The following CDH9 variants were observed in gnomAD, a reference collection of about 807,000 sequenced individuals.
CDH9 encodes the protein cadherin-9.
A neutral mutation model predicts 70.9 loss-of-function variants in CDH9; 28 were observed. The observed-to-expected ratio is 0.40, with a 90% confidence interval of 0.29 to 0.54. The LOEUF (loss-of-function observed/expected upper bound fraction) is 0.54. Among genes scored for constraint, CDH9 ranks in the 20% least tolerant of loss-of-function variants. CDH9 has a pLI of 0.59. For synonymous variants in CDH9, 409 were observed against 343.1 expected (o/e 1.19, Z -2.12); for missense variants, 874 against 984.4 (o/e 0.89, Z 1.50).
At chr5:27,035,175 A>G (rs1279852875) in intron 1 of CDH9, among the ~76,000 whole-genome samples, 2 of 147,636 alleles carry the variant, frequency 1.4e-5, no homozygotes, top group African/African-American at 4.9e-5. Context: ...GCATATGTAT[A>G]TATATATATA....
intron 2 of CDH9, among the ~76,000 whole-genome samples, chr5:26,987,358 T>C (rs904630304): frequency 1.3e-5 from 2 of 151,942 alleles, no homozygotes; most frequent in East Asian, 1.9e-4. Context: ...TAGAATAGTA[T>C]GAATGTGATT....
intron 2 of CDH9, among the ~76,000 whole-genome samples, chr5:26,934,976 G>A (rs1215459792): frequency 6.6e-6 from 1 of 150,722 alleles, no homozygotes; most frequent in East Asian, 1.9e-4. Flanking sequence ...GAACATGGAT[G>A]TAAAAATTAT....
rs199731142 is a variant in CDH9 at position 26,885,642 on chromosome 5, C to A, written c.1854G>T (p.Ala618=). The A allele has an allele frequency of 3.6e-5, 58 of 1,613,284 alleles. No individual in the cohort carries two copies. In the Middle Eastern group the frequency reaches 6.9e-4, roughly 19 times the overall value. ...SAGLSTGALV[A]ILLCVLILLI... ...GCAGTATGAGGACACAGAGTAGAAT[C>A]GCAACGAGAGCTCCCGTGCTCAGGC... The change falls in exon 11 of 12, where the codon GCG becomes GCT. Residue 618 remains alanine, a synonymous_variant. Coordinates refer to ENST00000231021, the MANE Select transcript of CDH9 (RefSeq NM_016279.4).
intron 3 of CDH9, among the ~76,000 whole-genome samples, chr5:26,914,370 A>G (rs1741112195): frequency 6.6e-6 from 1 of 151,994 alleles, no homozygotes; most frequent in Admixed American, 6.6e-5. Flanking sequence ...TGTTTAAATT[A>G]GCGCACTGGT....
chr5:27,003,878 T>C (rs1355168211), intron 1 of CDH9, among the ~76,000 whole-genome samples: 6 of 151,990 alleles, frequency 3.9e-5, no homozygotes, highest in Non-Finnish European at 7.4e-5. Flanking sequence ...AATATATCAA[T>C]ATTTCTTCAT....
At chr5:26,942,749 A>G (rs1741685359) in intron 2 of CDH9, among the ~76,000 whole-genome samples, 1 of 152,154 alleles carries the variant, frequency 6.6e-6, no homozygotes. Context: ...GTCTGGTTTA[A>G]CCAGTTACAT....
At chr5:27,015,258 G>A (rs936488758) in intron 1 of CDH9, among the ~76,000 whole-genome samples, 5 of 151,244 alleles carry the variant, frequency 3.3e-5, no homozygotes, top group African/African-American at 1.2e-4. Context: ...ACCCAAGGAG[G>A]GTATTATTTT....
intron 8 of CDH9, 49 bp downstream of exon 8, chr5:26,890,379 C>T (rs1348711331): frequency 6.5e-7 from 1 of 1,542,476 alleles, no homozygotes; most frequent in East Asian, 2.2e-5. Flanking sequence ...TATTATTTTA[C>T]CACTTTGATG....
chr5:26,933,225 T>C (rs1333361670), intron 2 of CDH9, among the ~76,000 whole-genome samples: 2 of 150,496 alleles, frequency 1.3e-5, no homozygotes, highest in East Asian at 3.9e-4. Context: ...ATAAAATTCA[T>C]GGTAAAATTT....
At chr5:26,885,537 TA>T in intron 11 of CDH9, 76 bp downstream of exon 11, 1 of 1,135,876 alleles carries the variant, frequency 8.8e-7, no homozygotes, top group South Asian at 1.4e-5. Context: ...AGAAAATTGT[TA>T]TTCAGTGCAC....
chr5:26,911,111 T>C (rs1052814294), intron 3 of CDH9, among the ~76,000 whole-genome samples: 7 of 152,172 alleles, frequency 4.6e-5, no homozygotes, highest in Non-Finnish European at 1.0e-4. Flanking sequence ...GCAGAGAATC[T>C]AGTGCAAAAT....
intron 2 of CDH9, among the ~76,000 whole-genome samples, chr5:26,938,520 T>C (rs1741601225): frequency 6.6e-6 from 1 of 152,202 alleles, no homozygotes; most frequent in Non-Finnish European, 1.5e-5. Context: ...GTGCAAAATA[T>C]TGTAATTTGA....
intron 1 of CDH9, among the ~76,000 whole-genome samples, chr5:27,033,157 TAAGA>T (rs1345163608): frequency 6.6e-6 from 1 of 151,320 alleles, no homozygotes; most frequent in Non-Finnish European, 1.5e-5. Flanking sequence ...TAATTGAGTT[TAAGA>T]TTTTCCAAAA....
intron 2 of CDH9, among the ~76,000 whole-genome samples, chr5:26,938,373 A>T (rs2112032275): frequency 6.6e-6 from 1 of 152,068 alleles, no homozygotes; most frequent in East Asian, 1.9e-4. Context: ...TCACAAAATT[A>T]GATGCTTGTA....
rs1416509527 is a variant in CDH9, at chr5:26,970,211, T to C, written c.228+17895A>G. Among the ~76,000 whole-genome samples the C allele has an allele frequency of 2.6e-5, 4 of 151,862 alleles. No homozygotes were observed. In the East Asian group the frequency reaches 7.7e-4, roughly 29 times the overall value. ...AATTATAATATTTAACATGAATCTA[T>C]TTTGTGTTGCTTTTATGAAAGTGTC... On this transcript the variant is annotated intron_variant, in intron 2 of 11. Coordinates refer to ENST00000231021, the MANE Select transcript of CDH9 (RefSeq NM_016279.4).
intron 2 of CDH9, 143 bp downstream of exon 2, chr5:26,987,963 A>C: frequency 3.2e-6 from 2 of 626,234 alleles, no homozygotes; most frequent in Non-Finnish European, 5.5e-6. Flanking sequence ...GTTCTTCCCC[A>C]CTAAAATAGT....
intron 11 of CDH9, among the ~76,000 whole-genome samples, chr5:26,883,215 T>A: frequency 6.6e-6 from 1 of 150,512 alleles, no homozygotes; most frequent in East Asian, 1.9e-4. Context: ...AAAAGAGATT[T>A]CTTTCTAAAT....
chr5:26,891,570 C>T (rs945662527), intron 7 of CDH9, among the ~76,000 whole-genome samples: 4 of 151,950 alleles, frequency 2.6e-5, no homozygotes, highest in South Asian at 2.1e-4. Context: ...CCCAGCTACT[C>T]GGGAGGCTGA....
chr5:26,937,158 A>C (rs2112030846), intron 2 of CDH9, among the ~76,000 whole-genome samples: 1 of 99,152 alleles, frequency 1.0e-5, no homozygotes, highest in Middle Eastern at 4.8e-3. Context: ...CTTGTATCCA[A>C]AATGTACAAA....
Sources: allele counts gnomAD v4.1 joint callset (sites outside exome capture counted in the v4.1 genomes callset), GRCh38; gene constraint gnomAD v4.1.1; transcripts MANE v1.5; gene names NCBI Gene and HGNC (gene_info 2026-07-23, HGNC 2026-07-21).